Variants in MAN2A1 observed in about 807,000 individuals in gnomAD.
MAN2A1 encodes the protein alpha-mannosidase 2.
Under a neutral mutation model 142.6 loss-of-function variants are expected in MAN2A1, and 76 were observed. The ratio of observed to expected loss-of-function variants is 0.53; its 90% CI spans 0.44 to 0.65. MAN2A1 has a LOEUF of 0.65. Among genes scored for constraint, MAN2A1 ranks in the 30% least tolerant of loss-of-function variants. The probability of loss-of-function intolerance (pLI) is 0.00; values close to 1 mark genes in which losing one functional copy is unlikely to be tolerated. For missense variants in MAN2A1, 1,311 were observed against 1,365.1 expected (o/e 0.96, Z 0.62); for synonymous variants, 559 against 473.2 (o/e 1.18, Z -2.35).
At chr5:109,767,225 C>G (rs576110899) in intron 5 of MAN2A1, among the ~76,000 whole-genome samples, 1 of 152,150 alleles carries the variant, frequency 6.6e-6, no homozygotes, top group African/African-American at 2.4e-5. Context: ...CCTGTTTATT[C>G]TCTACCTCTA....
At chr5:109,712,081 G>C (rs1020857567) in intron 1 of MAN2A1, among the ~76,000 whole-genome samples, 4 of 148,494 alleles carry the variant, frequency 2.7e-5, no homozygotes, top group Non-Finnish European at 5.9e-5. Flanking sequence ...GTGATTTGCT[G>C]CTAATTTTGG....
chr5:109,764,521 A>T (rs1752939087), intron 5 of MAN2A1, among the ~76,000 whole-genome samples: 1 of 151,856 alleles, frequency 6.6e-6, no homozygotes, highest in East Asian at 1.9e-4. Flanking sequence ...GCCAAGAAAA[A>T]CCCTAGCAGG....
At chr5:109,828,776 C>G (rs959749728) in intron 16 of MAN2A1, among the ~76,000 whole-genome samples, 2 of 152,140 alleles carry the variant, frequency 1.3e-5, no homozygotes, top group East Asian at 3.9e-4. Flanking sequence ...GGATCTTACT[C>G]AAAGAAAACA....
intron 4 of MAN2A1, among the ~76,000 whole-genome samples, chr5:109,732,107 G>T (rs1234600491): frequency 6.6e-6 from 1 of 151,536 alleles, no homozygotes; most frequent in East Asian, 1.9e-4. Context: ...TTTCTCTGAT[G>T]GCCAGTGATG....
intron 1 of MAN2A1, among the ~76,000 whole-genome samples, chr5:109,698,650 T>G (rs1422918875): frequency 6.6e-6 from 1 of 152,206 alleles, no homozygotes; most frequent in Non-Finnish European, 1.5e-5. Flanking sequence ...CCAGAGAAAT[T>G]AAATGCTTTT....
intron 3 of MAN2A1, among the ~76,000 whole-genome samples, chr5:109,724,560 A>G (rs1751691632): frequency 1.3e-5 from 2 of 152,186 alleles, no homozygotes; most frequent in South Asian, 4.1e-4. Flanking sequence ...GTTGTTTATT[A>G]CCAATGTATT....
intron 5 of MAN2A1, among the ~76,000 whole-genome samples, chr5:109,766,491 C>T (rs1287625279): frequency 6.6e-6 from 1 of 151,962 alleles, no homozygotes; most frequent in African/African-American, 2.4e-5. Context: ...CCTTATTGTC[C>T]TTTACTGGCT....
chr5:109,759,712 C>T (rs1362536476), intron 5 of MAN2A1, among the ~76,000 whole-genome samples: 1 of 152,080 alleles, frequency 6.6e-6, no homozygotes, highest in Non-Finnish European at 1.5e-5. Context: ...TTTTATATTC[C>T]ACCAACAACG....
intron 16 of MAN2A1, among the ~76,000 whole-genome samples, chr5:109,825,660 C>G (rs1018322465): frequency 6.6e-6 from 1 of 152,016 alleles, no homozygotes; most frequent in East Asian, 1.9e-4. Context: ...CTTATTTGAG[C>G]AAACTACACT....
chr5:109,865,722 G>A (rs1012085737), intron 21 of MAN2A1, among the ~76,000 whole-genome samples: 10 of 152,196 alleles, frequency 6.6e-5, no homozygotes, highest in East Asian at 1.9e-4. Flanking sequence ...TCAACACACC[G>A]TGCAGGCCAA....
chr5:109,826,326 C>A (rs1754759347), intron 16 of MAN2A1, among the ~76,000 whole-genome samples: 2 of 152,112 alleles, frequency 1.3e-5, no homozygotes, highest in Admixed American at 6.5e-5. Context: ...ACTTAGAGCG[C>A]CTCACTGATG....
At chr5:109,713,004 C>T (rs959626167) in intron 1 of MAN2A1, among the ~76,000 whole-genome samples, 9 of 152,160 alleles carry the variant, frequency 5.9e-5, no homozygotes, top group Non-Finnish European at 1.0e-4. Context: ...GGGAGATGTT[C>T]ATGCTTATGG....
chr5:109,815,352 T>C (rs535735585), intron 12 of MAN2A1, among the ~76,000 whole-genome samples: 1 of 152,322 alleles, frequency 6.6e-6, no homozygotes, highest in South Asian at 2.1e-4. Flanking sequence ...ATTGCTTCTG[T>C]GCGTAAAATG....
intron 12 of MAN2A1, chr5:109,794,084 C>T (rs1753801965): frequency 6.6e-6 from 1 of 152,114 alleles, no homozygotes; most frequent in Admixed American, 6.6e-5. Flanking sequence ...AAGCCAAACT[C>T]GCAACCTTAT....
intron 16 of MAN2A1, chr5:109,840,620 G>A (rs1229353188): frequency 4.2e-6 from 2 of 478,392 alleles, no homozygotes; most frequent in South Asian, 1.5e-5. Flanking sequence ...AGATGAAGGA[G>A]TCTCAGATTC....
chr5:109,861,838 G>A (rs949960505), intron 20 of MAN2A1, among the ~76,000 whole-genome samples: 1 of 152,136 alleles, frequency 6.6e-6, no homozygotes, highest in African/African-American at 2.4e-5. Context: ...AGTAATAATA[G>A]GACACCTACA....
intron 12 of MAN2A1, among the ~76,000 whole-genome samples, chr5:109,811,107 A>G (rs1168269165): frequency 6.6e-6 from 1 of 151,938 alleles, no homozygotes; most frequent in South Asian, 2.1e-4. Context: ...AGTTATGGCT[A>G]GAAAGACCTT....
intron 18 of MAN2A1, among the ~76,000 whole-genome samples, chr5:109,846,268 C>G (rs542644375): frequency 6.6e-6 from 1 of 152,126 alleles, no homozygotes; most frequent in Admixed American, 6.5e-5. Flanking sequence ...ATTTGCTTCT[C>G]CTAATAGTAT....
At chr5:109,799,194 T>C (rs1316711744) in intron 12 of MAN2A1, among the ~76,000 whole-genome samples, 1 of 152,174 alleles carries the variant, frequency 6.6e-6, no homozygotes, top group African/African-American at 2.4e-5. Flanking sequence ...AGCAGGCACT[T>C]AACTAATATT....
Sources: allele counts gnomAD v4.1 joint callset (sites outside exome capture counted in the v4.1 genomes callset), GRCh38; gene constraint gnomAD v4.1.1; transcripts MANE v1.5; gene names NCBI Gene and HGNC (gene_info 2026-07-23, HGNC 2026-07-21).